The following ZBTB7C variants were observed in gnomAD, a reference collection of about 807,000 sequenced individuals.
ZBTB7C encodes the protein zinc finger and BTB domain-containing protein 7C.
ZBTB7C carries 8 observed loss-of-function variants against 25.7 expected under a neutral mutation model. The ratio of observed to expected loss-of-function variants is 0.31; its 90% CI spans 0.18 to 0.56. The LOEUF is 0.56. Among genes scored for constraint, ZBTB7C ranks in the 20% least tolerant of loss-of-function variants. ZBTB7C has a pLI of 0.91. For missense variants in ZBTB7C, 824 were observed against 855.2 expected (o/e 0.96, Z 0.46); for synonymous variants, 394 against 369.0 (o/e 1.07, Z -0.78).
chr18:48,141,337 C>T (rs374848261), intron 3 of ZBTB7C, among the ~76,000 whole-genome samples: 266 of 152,236 alleles, frequency 1.7e-3, no homozygotes, highest in Non-Finnish European at 3.3e-3. Flanking sequence ...AGGATTCATG[C>T]TCGCATTGAT....
chr18:48,357,922 C>T (rs2047012980), intron 1 of ZBTB7C, among the ~76,000 whole-genome samples: 3 of 151,630 alleles, frequency 2.0e-5, no homozygotes, highest in Admixed American at 2.0e-4. Flanking sequence ...GACATGTAAT[C>T]CCCAGCGTTG....
At chr18:48,225,275 G>T (rs2043059452) in intron 2 of ZBTB7C, among the ~76,000 whole-genome samples, 1 of 151,938 alleles carries the variant, frequency 6.6e-6, no homozygotes, top group South Asian at 2.1e-4. Context: ...AGAGAAAAGG[G>T]AGAGGGAGAG....
chr18:48,286,886 G>A (rs1419945217), intron 2 of ZBTB7C, among the ~76,000 whole-genome samples: 1 of 151,922 alleles, frequency 6.6e-6, no homozygotes, highest in Non-Finnish European at 1.5e-5. Context: ...CCCCCCTCTT[G>A]ACAAAAAATA....
intron 2 of ZBTB7C, among the ~76,000 whole-genome samples, chr18:48,214,463 G>A (rs1439450090): frequency 6.6e-6 from 1 of 152,188 alleles, no homozygotes; most frequent in Non-Finnish European, 1.5e-5. Context: ...GGCAGGACTG[G>A]TTTCAAAAGA....
intron 3 of ZBTB7C, among the ~76,000 whole-genome samples, chr18:48,132,552 G>T (rs1414340966): frequency 1.3e-5 from 2 of 152,142 alleles, no homozygotes; most frequent in Non-Finnish European, 2.9e-5. Context: ...ACTTTAAATG[G>T]GTGGATTATA....
At chr18:48,366,193 CAT>C (rs1316092754) in intron 1 of ZBTB7C, among the ~76,000 whole-genome samples, 1 of 152,136 alleles carries the variant, frequency 6.6e-6, no homozygotes, top group African/African-American at 2.4e-5. Flanking sequence ...AGAGAAGACC[CAT>C]AATAAATCAA....
At chr18:48,171,930 T>C (rs1470767593) in intron 3 of ZBTB7C, among the ~76,000 whole-genome samples, 1 of 152,236 alleles carries the variant, frequency 6.6e-6, no homozygotes, top group Admixed American at 6.5e-5. Flanking sequence ...CTGAAGACTG[T>C]GGTCTTTCTG....
chr18:48,306,712 G>A (rs1436942713), intron 2 of ZBTB7C, among the ~76,000 whole-genome samples: 3 of 152,046 alleles, frequency 2.0e-5, no homozygotes, highest in African/African-American at 7.2e-5. Flanking sequence ...CTGAGCTCAG[G>A]AACTGTCCCC....
intron 2 of ZBTB7C, among the ~76,000 whole-genome samples, chr18:48,314,047 C>T (rs2045887609): frequency 6.6e-6 from 1 of 152,190 alleles, no homozygotes; most frequent in South Asian, 2.1e-4. Context: ...GAGGCCAGCA[C>T]CGTGCTTCCT....
At chr18:48,137,463 T>C (rs1032965929) in intron 3 of ZBTB7C, 6 of 300,246 alleles carry the variant, frequency 2.0e-5, no homozygotes, top group Non-Finnish European at 2.9e-5. Flanking sequence ...TTACCACTTA[T>C]CTCAAAGCAA....
intron 2 of ZBTB7C, among the ~76,000 whole-genome samples, chr18:48,232,229 G>T (rs2043274985): frequency 1.3e-5 from 2 of 152,198 alleles, no homozygotes; most frequent in South Asian, 4.1e-4. Context: ...GCAAAGATTG[G>T]AGTGGTGCAT....
chr18:48,386,088 A>G (rs1311466796), intron 1 of ZBTB7C, among the ~76,000 whole-genome samples: 1 of 152,158 alleles, frequency 6.6e-6, no homozygotes, highest in African/African-American at 2.4e-5. Context: ...AATCAGGAAG[A>G]CTGTCTACTA....
intron 3 of ZBTB7C, among the ~76,000 whole-genome samples, chr18:48,056,366 A>G (rs955073882): frequency 1.3e-5 from 2 of 152,256 alleles, no homozygotes; most frequent in Admixed American, 6.5e-5. Context: ...CTGAAATTAG[A>G]TAAGCTGATT....
chr18:48,103,141 T>TATC (rs928711224), intron 3 of ZBTB7C, among the ~76,000 whole-genome samples: 10 of 148,410 alleles, frequency 6.7e-5, no homozygotes, highest in African/African-American at 2.5e-4. Context: ...TCTATCTATC[T>TATC]ATCTATCTAT....
chr18:48,143,705 C>T (rs68145908), intron 3 of ZBTB7C, among the ~76,000 whole-genome samples: 3 of 152,058 alleles, frequency 2.0e-5, no homozygotes, highest in Admixed American at 1.3e-4. Context: ...CTGCTAAGTC[C>T]GGTTAGCAAG....
chr18:48,152,143 A>C (rs1445943421), intron 3 of ZBTB7C, among the ~76,000 whole-genome samples: 1 of 152,152 alleles, frequency 6.6e-6, no homozygotes, highest in Admixed American at 6.5e-5. Flanking sequence ...GTGTTTACAT[A>C]GGAGAGCTGG....
chr18:48,065,029 G>T (rs994697217), intron 3 of ZBTB7C, among the ~76,000 whole-genome samples: 3 of 152,166 alleles, frequency 2.0e-5, no homozygotes, highest in African/African-American at 7.2e-5. Flanking sequence ...CTTTTGGTTG[G>T]GAGAGGCCCT....
At chr18:48,218,868 T>C (rs1388684175) in intron 2 of ZBTB7C, among the ~76,000 whole-genome samples, 1 of 152,098 alleles carries the variant, frequency 6.6e-6, no homozygotes, top group Non-Finnish European at 1.5e-5. Context: ...GGAAGACAGC[T>C]ATGCCGGGGC....
intron 4 of ZBTB7C, among the ~76,000 whole-genome samples, chr18:48,039,654 C>T (rs568910118): frequency 2.0e-5 from 3 of 152,336 alleles, no homozygotes; most frequent in African/African-American, 4.8e-5. Context: ...CCAGAACAGC[C>T]CTGCTCTTAC....
Sources: allele counts gnomAD v4.1 joint callset (sites outside exome capture counted in the v4.1 genomes callset), GRCh38; gene constraint gnomAD v4.1.1; transcripts MANE v1.5; gene names NCBI Gene and HGNC (gene_info 2026-07-23, HGNC 2026-07-21).